KCNIP4: variants seen among roughly 807,000 people sequenced by gnomAD.
KCNIP4 encodes the protein potassium voltage-gated channel interacting protein 4, also known as Kv channel-interacting protein 4.
A neutral mutation model predicts 34.0 loss-of-function variants in KCNIP4; 12 were observed. That is an observed-to-expected ratio of 0.35 (90% CI 0.23 to 0.57). The LOEUF (loss-of-function observed/expected upper bound fraction) is 0.57. Ranked by LOEUF, KCNIP4 falls within the 20% of genes least tolerant of loss-of-function variation. KCNIP4 has a pLI of 0.83. For synonymous variants in KCNIP4, 124 were observed against 102.2 expected (o/e 1.21, Z -1.29); for missense variants, 238 against 311.7 (o/e 0.76, Z 1.78).
At chr4:20,986,601 T>C (rs1736601325) in intron 1 of KCNIP4, among the ~76,000 whole-genome samples, 1 of 152,238 alleles carries the variant, frequency 6.6e-6, no homozygotes, top group Non-Finnish European at 1.5e-5. Context: ...GGGGGTCACA[T>C]GGTTAGAAAA....
In KCNIP4 at chr4:21,528,747, G is replaced by GA. The variant is rs1191065356; in HGVS notation, c.61+419823dup. Among the ~76,000 whole-genome samples, 21 of 7,922 alleles carry GA rather than the reference G, an allele frequency of 2.7e-3. 3 individuals are homozygous for GA. The highest frequency in any genetic ancestry group is 0.013 in the African/African-American group (21 of 1,668). The allele number at this position is 7,922 out of a possible 152,430, so 5.2% of individuals were successfully genotyped here. On this transcript the variant is annotated intron_variant, in intron 1 of 8. Coordinates refer to ENST00000382152, the MANE Select transcript of KCNIP4 (RefSeq NM_025221.6). ...AGAAAGAAAGAAAGAAAGAAAGAAA[G>GA]AAAGAAAGAAAGAAAGAAAGAAAGA...
At chr4:20,975,203 G>A (rs573442840) in intron 1 of KCNIP4, among the ~76,000 whole-genome samples, 1 of 152,274 alleles carries the variant, frequency 6.6e-6, no homozygotes, top group East Asian at 1.9e-4. Flanking sequence ...ATTTTTAAGA[G>A]AGTGTAGACT....
intron 1 of KCNIP4, among the ~76,000 whole-genome samples, chr4:21,341,935 A>T (rs1162836833): frequency 6.6e-6 from 1 of 152,274 alleles, no homozygotes; most frequent in Middle Eastern, 3.4e-3. Context: ...AGAATGCGAG[A>T]TCTGCAATCA....
intron 1 of KCNIP4, among the ~76,000 whole-genome samples, chr4:21,068,629 C>T (rs765940384): frequency 6.6e-6 from 1 of 152,092 alleles, no homozygotes; most frequent in African/African-American, 2.4e-5. Flanking sequence ...CTTTTCTTGT[C>T]ATTTAGATTT....
chr4:21,645,288 A>C (rs1278178242), intron 1 of KCNIP4, among the ~76,000 whole-genome samples: 1 of 152,180 alleles, frequency 6.6e-6, no homozygotes, highest in East Asian at 1.9e-4. Context: ...CCCATATCAT[A>C]CATTTAGTAA....
At chr4:21,419,215 A>C (rs1560386643) in intron 1 of KCNIP4, among the ~76,000 whole-genome samples, 1 of 152,226 alleles carries the variant, frequency 6.6e-6, no homozygotes, top group African/African-American at 2.4e-5. Flanking sequence ...TCTAGCATCA[A>C]GCATGGTACT....
intron 1 of KCNIP4, among the ~76,000 whole-genome samples, chr4:21,379,587 G>T (rs1317878582): frequency 6.6e-6 from 1 of 152,114 alleles, no homozygotes; most frequent in African/African-American, 2.4e-5. Context: ...ATTTTCCCAA[G>T]TGATTATAGA....
chr4:20,958,878 A>G (rs1055106688), intron 1 of KCNIP4, among the ~76,000 whole-genome samples: 1 of 152,206 alleles, frequency 6.6e-6, no homozygotes, highest in African/African-American at 2.4e-5. Flanking sequence ...TTACCAAGAG[A>G]GTAAACTGAT....
chr4:21,606,473 G>A (rs1020185785), intron 1 of KCNIP4, among the ~76,000 whole-genome samples: 2 of 152,174 alleles, frequency 1.3e-5, no homozygotes, highest in African/African-American at 4.8e-5. Context: ...AGCTCTAGAG[G>A]TCAGAAGTCT....
At chr4:21,332,484 TAA>T (rs1422872626) in intron 1 of KCNIP4, among the ~76,000 whole-genome samples, 1 of 151,974 alleles carries the variant, frequency 6.6e-6, no homozygotes, top group Non-Finnish European at 1.5e-5. Context: ...ATTATCTGTT[TAA>T]AAGAGAACTG....
At chr4:21,742,426 T>C (rs1482317878) in intron 1 of KCNIP4, among the ~76,000 whole-genome samples, 2 of 152,208 alleles carry the variant, frequency 1.3e-5, no homozygotes, top group African/African-American at 4.8e-5. Context: ...GGATTTTCCA[T>C]TGTGATTAAA....
At chr4:21,729,561 T>G (rs1038312308) in intron 1 of KCNIP4, among the ~76,000 whole-genome samples, 1 of 143,760 alleles carries the variant, frequency 7.0e-6, no homozygotes, top group African/African-American at 2.7e-5. Flanking sequence ...CTCAAGTGTT[T>G]TTTAAATGAA....
At chr4:21,744,926 C>T (rs1353180510) in intron 1 of KCNIP4, among the ~76,000 whole-genome samples, 1 of 151,980 alleles carries the variant, frequency 6.6e-6, no homozygotes, top group Non-Finnish European at 1.5e-5. Context: ...ACCGACCTAC[C>T]GTGGTTCAAC....
chr4:20,749,189 C>CTGTAGATGCAA (rs113598837), intron 5 of KCNIP4, among the ~76,000 whole-genome samples: 1 of 150,784 alleles, frequency 6.6e-6, no homozygotes, highest in Non-Finnish European at 1.5e-5. Context: ...CTCTACAGAT[C>CTGTAGATGCAA]ACTTAAAGTT....
At chr4:21,879,489 C>A (rs1179098474) in intron 1 of KCNIP4, among the ~76,000 whole-genome samples, 1 of 152,198 alleles carries the variant, frequency 6.6e-6, no homozygotes, top group African/African-American at 2.4e-5. Context: ...GTTCCCTGGA[C>A]TCCTGCATTC....
chr4:20,767,794 A>T (rs1046128735), intron 3 of KCNIP4, among the ~76,000 whole-genome samples: 2 of 152,030 alleles, frequency 1.3e-5, no homozygotes, highest in African/African-American at 4.8e-5. Flanking sequence ...CTTCAGGATT[A>T]AAAAAAAGAA....
At chr4:20,737,304 G>T (rs968056988) in intron 5 of KCNIP4, among the ~76,000 whole-genome samples, 4 of 152,228 alleles carry the variant, frequency 2.6e-5, no homozygotes, top group African/African-American at 7.2e-5. Flanking sequence ...TTGCTCCAAG[G>T]TTGGAAAAAT....
intron 3 of KCNIP4, among the ~76,000 whole-genome samples, chr4:20,768,213 A>G (rs1755583897): frequency 6.6e-6 from 1 of 152,174 alleles, no homozygotes; most frequent in African/African-American, 2.4e-5. Context: ...GAATGAATAA[A>G]TCTTCAGTCA....
intron 1 of KCNIP4, among the ~76,000 whole-genome samples, chr4:21,306,589 G>C (rs1232649575): frequency 6.6e-6 from 1 of 152,160 alleles, no homozygotes; most frequent in Admixed American, 6.5e-5. Context: ...AACATGAAAA[G>C]CATCCAAACT....
Sources: gnomAD v4.1 joint callset for allele counts (sites outside exome capture counted in the v4.1 genomes callset) on GRCh38, gnomAD v4.1.1 for gene constraint, MANE v1.5 for transcripts, NCBI Gene and HGNC (gene_info 2026-07-23, HGNC 2026-07-21) for gene names.